The following COG5 variants were observed in gnomAD, a reference collection of about 807,000 sequenced individuals.
COG5 encodes the protein conserved oligomeric Golgi complex subunit 5.
COG5 carries 86 observed loss-of-function variants against 110.4 expected under a neutral mutation model. That is an observed-to-expected ratio of 0.78 (90% CI 0.65 to 0.93). COG5 has a LOEUF of 0.93. Among genes scored for constraint, COG5 ranks in the 40% least tolerant of loss-of-function variants. COG5 has a pLI of 0.00. For missense variants in COG5, 1,077 were observed against 987.0 expected (o/e 1.09, Z -1.22); for synonymous variants, 360 against 334.6 (o/e 1.08, Z -0.83).
At chr7:107,210,219 G>T in intron 21 of COG5, 1 of 1,229,220 alleles carries the variant, frequency 8.1e-7, no homozygotes, top group Non-Finnish European at 1.0e-6. Context: ...CGGAGCTAGG[G>T]CAAAACTTTT....
intron 8 of COG5, among the ~76,000 whole-genome samples, chr7:107,369,279 G>A (rs1449705005): frequency 6.6e-6 from 1 of 151,932 alleles, no homozygotes; most frequent in African/African-American, 2.4e-5. Flanking sequence ...TATCTATACT[G>A]GGAAATTTGT....
intron 2 of COG5, among the ~76,000 whole-genome samples, chr7:107,557,395 T>C (rs1211220833): frequency 1.3e-5 from 2 of 152,218 alleles, no homozygotes; most frequent in Non-Finnish European, 2.9e-5. Context: ...TTCAAAGTTA[T>C]CTACTACAGT....
chr7:107,259,966 T>C (rs1338986535), intron 14 of COG5, among the ~76,000 whole-genome samples: 2 of 151,906 alleles, frequency 1.3e-5, no homozygotes, highest in Non-Finnish European at 2.9e-5. Flanking sequence ...TGAACCCTCA[T>C]ACATTGCTGG....
At chr7:107,226,681 C>A (rs1179779089) in intron 19 of COG5, among the ~76,000 whole-genome samples, 2 of 152,200 alleles carry the variant, frequency 1.3e-5, no homozygotes, top group Admixed American at 6.5e-5. Context: ...TCTGATAGGA[C>A]TGAAAACATT....
chr7:107,368,039 A>C (rs2129048478), intron 8 of COG5, among the ~76,000 whole-genome samples: 1 of 152,292 alleles, frequency 6.6e-6, no homozygotes, highest in East Asian at 1.9e-4. Flanking sequence ...TAACATAACT[A>C]ACAACTGGCA....
At chr7:107,353,735 G>C (rs146976519) in intron 10 of COG5, among the ~76,000 whole-genome samples, 242 of 152,080 alleles carry the variant, frequency 1.6e-3, no homozygotes, top group African/African-American at 5.5e-3. Flanking sequence ...AGATATAATT[G>C]GTCAAGTTTT....
At chr7:107,418,734 G>A (rs566588862) in intron 6 of COG5, among the ~76,000 whole-genome samples, 6 of 151,282 alleles carry the variant, frequency 4.0e-5, no homozygotes, top group African/African-American at 1.2e-4. Flanking sequence ...CATTATTCTG[G>A]ATGCAAATAG....
intron 21 of COG5, among the ~76,000 whole-genome samples, chr7:107,205,322 A>G (rs1168506379): frequency 6.6e-6 from 1 of 152,064 alleles, no homozygotes; most frequent in Non-Finnish European, 1.5e-5. Context: ...ACCCAACTGA[A>G]TACCAGCTTC....
In COG5 at chr7:107,476,183, TTAAAAA is replaced by T. The variant is rs1360705240; in HGVS notation, c.538+51048_538+51053del. 2.6e-3 allele frequency among the ~76,000 whole-genome samples: 229 copies of T among 86,484 alleles called. 3 individuals carry two copies. Among genetic ancestry groups the T allele is most frequent in the East Asian group, 3.3e-3 (9 of 2,688 alleles). 56.7% of individuals were successfully genotyped at this position (86,484 alleles called of 152,430 possible). ...TCTGGATTAATATAGTGCAATGATTTTAAAAAAAAAAAAAAAAAAAAAAAGAACAGT... is the reference window on the plus strand; with the variant it reads ...TCTGGATTAATATAGTGCAATGATTTAAAAAAAAAAAAAAAAAAGAACAGT... On this transcript the variant is annotated intron_variant, in intron 6 of 21. Transcript: ENST00000297135.
At chr7:107,225,888 C>T (rs956693537) in intron 19 of COG5, among the ~76,000 whole-genome samples, 4 of 152,012 alleles carry the variant, frequency 2.6e-5, no homozygotes, top group African/African-American at 7.3e-5. Context: ...ACTAAAAATA[C>T]AAAAATTTGC....
At chr7:107,376,188 T>A (rs1814621859) in intron 7 of COG5, among the ~76,000 whole-genome samples, 1 of 152,066 alleles carries the variant, frequency 6.6e-6, no homozygotes, top group Non-Finnish European at 1.5e-5. Flanking sequence ...CCTATCTAAA[T>A]TACTGTAGCT....
At chr7:107,435,137 T>C (rs569418048) in intron 6 of COG5, among the ~76,000 whole-genome samples, 34 of 152,230 alleles carry the variant, frequency 2.2e-4, no homozygotes, top group African/African-American at 3.4e-4. Flanking sequence ...AGAATGGTGG[T>C]TGCCAGCAGG....
intron 10 of COG5, among the ~76,000 whole-genome samples, chr7:107,348,830 T>C (rs1174330476): frequency 6.6e-6 from 1 of 152,134 alleles, no homozygotes; most frequent in Non-Finnish European, 1.5e-5. Flanking sequence ...TTTTCCTATG[T>C]AACCATAGTA....
intron 5 of COG5, among the ~76,000 whole-genome samples, chr7:107,538,188 C>T (rs891688179): frequency 5.3e-5 from 8 of 152,152 alleles, no homozygotes; most frequent in African/African-American, 1.9e-4. Context: ...AAGCAGGCAA[C>T]ACAGCACCAG....
intron 6 of COG5, chr7:107,475,546 T>C (rs1796921922): frequency 4.2e-6 from 2 of 475,918 alleles, no homozygotes; most frequent in Non-Finnish European, 7.6e-6. Flanking sequence ...ATGTATTTGT[T>C]GCATGGCAGT....
chr7:107,285,914 G>A (rs1584622120), intron 12 of COG5, among the ~76,000 whole-genome samples: 1 of 151,796 alleles, frequency 6.6e-6, no homozygotes, highest in East Asian at 1.9e-4. Flanking sequence ...ACAGTAACAG[G>A]AGAGATATAC....
chr7:107,543,134 A>G (rs1051878082), intron 5 of COG5, among the ~76,000 whole-genome samples: 2 of 152,240 alleles, frequency 1.3e-5, no homozygotes, highest in Non-Finnish European at 2.9e-5. Context: ...CCAGGACTCC[A>G]GCTTGCAGAC....
At chr7:107,521,379 T>C (rs758870429) in intron 6 of COG5, among the ~76,000 whole-genome samples, 1 of 151,912 alleles carries the variant, frequency 6.6e-6, no homozygotes, top group Non-Finnish European at 1.5e-5. Flanking sequence ...GGAAGAAAAA[T>C]TTTGCAATCT....
chr7:107,497,921 G>A (rs771459607), intron 6 of COG5, among the ~76,000 whole-genome samples: 3 of 152,034 alleles, frequency 2.0e-5, no homozygotes, highest in Non-Finnish European at 4.4e-5. Flanking sequence ...AAATAGTATG[G>A]TACTGGCAAA....
Sources: allele counts gnomAD v4.1 joint callset (sites outside exome capture counted in the v4.1 genomes callset), GRCh38; gene constraint gnomAD v4.1.1; transcripts MANE v1.5; gene names NCBI Gene and HGNC (gene_info 2026-07-23, HGNC 2026-07-21).